Variants in ZFR observed in about 807,000 individuals in gnomAD.
ZFR encodes the protein zinc finger RNA binding protein.
ZFR carries 19 observed loss-of-function variants against 130.7 expected under a neutral mutation model. That is an observed-to-expected ratio of 0.15 (90% CI 0.10 to 0.21). The LOEUF is 0.21. ZFR is among the 10% of genes least tolerant of loss of function. ZFR has a pLI of 1.00. For missense variants in ZFR, 872 were observed against 1,321.5 expected (o/e 0.66, Z 5.27); for synonymous variants, 466 against 456.9 (o/e 1.02, Z -0.25).
intron 17 of ZFR, among the ~76,000 whole-genome samples, chr5:32,367,374 G>T (rs192077098): frequency 1.4e-3 from 210 of 152,104 alleles, no homozygotes; most frequent in African/African-American, 4.1e-3. Flanking sequence ...GGCGGAGGTT[G>T]CGGTGAGCTG....
chr5:32,418,430 G>C (rs1347032121), intron 3 of ZFR, among the ~76,000 whole-genome samples: 2 of 152,042 alleles, frequency 1.3e-5, no homozygotes, highest in African/African-American at 4.8e-5. Context: ...TATTACAAAA[G>C]AACACTTGTG....
rs537377077 is a variant in ZFR at position 32,358,383 on chromosome 5, G to A, written c.3046-2444C>T. 2.2e-4 allele frequency among the ~76,000 whole-genome samples: 34 copies of A among 152,062 alleles called. No individual in the cohort carries two copies. The South Asian group carries it at 6.0e-3, about 27-fold the overall frequency. On this transcript the variant is annotated intron_variant, in intron 19 of 19. Coordinates refer to ENST00000265069, the MANE Select transcript of ZFR (RefSeq NM_016107.5). The stretch of plus-strand genomic sequence containing the variant: ...AAATAAAAAAAGAAAATTTAAGGCC[G>A]GGCGCGGTGGCGCAAGCCTGTAATC...
Position 32,403,184 on chromosome 5 carries a change from T to A in ZFR, c.1438A>T (p.Thr480Ser). ...ACTGCTGATACTTTAGTGTTAGATG[T>A]GCTATTAAGAGACGAGTTTCCTGTA... is the stretch of plus-strand genomic sequence containing the variant. ...TTTGNSSLNS[T>S]SNTKVSAVPT... is the part of the protein sequence containing the mutation. Residue 480 changes from threonine (T) to serine (S), a missense_variant, in exon 8 of 20, where the codon ACA becomes TCA. Physicochemically the swap from Thr to Ser is moderately conservative, Grantham distance 58. This residue lies in a region of ZFR where 143 missense variants were observed against 137.9 expected (regional missense o/e 1.04). Transcript: ENST00000265069. 6.2e-7 allele frequency: 1 copy of A among 1,614,210 alleles called. No homozygotes were observed. Among genetic ancestry groups the A allele is most frequent in the Non-Finnish European group, 8.5e-7 (1 of 1,180,028 alleles).
At chr5:32,378,626 T>C (rs1247551277) in intron 17 of ZFR, among the ~76,000 whole-genome samples, 5 of 152,146 alleles carry the variant, frequency 3.3e-5, no homozygotes, top group Non-Finnish European at 7.4e-5. Flanking sequence ...AGCAGATTGT[T>C]AAGATAATCT....
chr5:32,361,149 T>A, intron 19 of ZFR, among the ~76,000 whole-genome samples: 1 of 152,214 alleles, frequency 6.6e-6, no homozygotes, highest in East Asian at 1.9e-4. Flanking sequence ...CTGTTCACAC[T>A]ATTTTAAATC....
intron 2 of ZFR, 22 bp downstream of exon 2, chr5:32,444,207 A>T: frequency 6.3e-7 from 1 of 1,594,648 alleles, no homozygotes; most frequent in Non-Finnish European, 8.5e-7. Flanking sequence ...GGGCGAACAG[A>T]GAGAAGGCAG....
chr5:32,396,255 G>A (rs955712792), intron 10 of ZFR, among the ~76,000 whole-genome samples: 1 of 151,532 alleles, frequency 6.6e-6, no homozygotes, highest in African/African-American at 2.4e-5. Context: ...TGCGTGAGGG[G>A]CCCCTGACCT....
chr5:32,437,278 C>A (rs1255518582), intron 2 of ZFR, among the ~76,000 whole-genome samples: 1 of 152,052 alleles, frequency 6.6e-6, no homozygotes, highest in Non-Finnish European at 1.5e-5. Context: ...CACCCTCATG[C>A]CCCAGAAGTG....
At chr5:32,360,572 T>C (rs910197210) in intron 19 of ZFR, among the ~76,000 whole-genome samples, 6 of 152,230 alleles carry the variant, frequency 3.9e-5, no homozygotes, top group East Asian at 1.9e-4. Context: ...CATTCATCAA[T>C]TGATGGACAT....
chr5:32,369,789 G>C (rs959008714), intron 17 of ZFR, among the ~76,000 whole-genome samples: 2 of 152,124 alleles, frequency 1.3e-5, no homozygotes, highest in African/African-American at 2.4e-5. Context: ...TCCAGCCCGA[G>C]TGACAGAGTG....
intron 2 of ZFR, among the ~76,000 whole-genome samples, chr5:32,439,218 A>G (rs641221): frequency 0.42 from 63,483 of 152,002 alleles, 13,438 homozygotes; most frequent in East Asian, 0.57. Flanking sequence ...GATTGATGTT[A>G]TTAGTCGTTG....
At position 32,397,348 on chromosome 5, in the gene ZFR, GA is replaced by G. The variant is rs1461777914; in HGVS notation, c.1714-11del. The G allele has an allele frequency of 1.1e-5, 17 of 1,599,248 alleles. No homozygotes were observed. Among genetic ancestry groups the G allele is most frequent in the South Asian group, 2.3e-5 (2 of 87,444 alleles). On this transcript the variant is annotated splice_polypyrimidine_tract_variant and intron_variant, in intron 9 of 19. Transcript: ENST00000265069. ...CTTCATCATTTCGTACCTTGGTGTG[GA>G]AAAAAAATTCAAGAATCATCATAGT...
Position 32,400,056 on chromosome 5 carries a change from G to C in ZFR, c.1664C>G (p.Ala555Gly), listed in dbSNP as rs1005502207. 9.9e-6 allele frequency: 16 copies of C among 1,612,844 alleles called. No homozygotes were observed. The highest frequency in any genetic ancestry group is 1.4e-5 in the Non-Finnish European group (16 of 1,179,428). ...VSEPVTPASL[A>G]ALQSDVQPVG... ...TGGCTGCACATCACTCTGTAAAGCA[G>C]CAAGAGATGCAGGTGTGACTGGTTC... Residue 555 changes from alanine (A) to glycine (G), a missense_variant, in exon 9 of 20, where the codon GCT (alanine) becomes GGT (glycine). Coordinates refer to ENST00000265069, the MANE Select transcript of ZFR (RefSeq NM_016107.5).
intron 16 of ZFR, 156 bp from the exon 17 acceptor site, chr5:32,379,366 C>T: frequency 1.4e-6 from 1 of 701,822 alleles, no homozygotes; most frequent in Non-Finnish European, 2.6e-6. Flanking sequence ...CCATTTACAG[C>T]AGTATTTTAT....
chr5:32,364,337 T>C, intron 17 of ZFR, 62 bp from the exon 18 acceptor site: 1 of 1,371,982 alleles, frequency 7.3e-7, no homozygotes, highest in Non-Finnish European at 1.0e-6. Flanking sequence ...ATTTTCAAAC[T>C]AAAATTTTAA....
At chr5:32,364,332 C>A in intron 17 of ZFR, 57 bp from the exon 18 acceptor site, 1 of 1,402,690 alleles carries the variant, frequency 7.1e-7, no homozygotes, top group Non-Finnish European at 9.7e-7. Flanking sequence ...TACTCATTTT[C>A]AAACTAAAAT....
intron 2 of ZFR, among the ~76,000 whole-genome samples, chr5:32,440,317 C>T (rs1407413222): frequency 2.0e-5 from 3 of 152,108 alleles, no homozygotes; most frequent in Non-Finnish European, 4.4e-5. Context: ...CACATACAAA[C>T]GAATACTTAA....
At chr5:32,380,035 T>A (rs1258213268) in intron 16 of ZFR, 40 bp downstream of exon 16, 6 of 1,559,316 alleles carry the variant, frequency 3.8e-6, no homozygotes, top group Non-Finnish European at 5.3e-6. Context: ...ACTACTTCTC[T>A]CATAAGGCTA....
chr5:32,424,140 G>A (rs1754015777), intron 2 of ZFR, among the ~76,000 whole-genome samples: 1 of 152,190 alleles, frequency 6.6e-6, no homozygotes, highest in South Asian at 2.1e-4. Flanking sequence ...TTGGAATTAG[G>A]GGAAGGACAG....
Sources: allele counts gnomAD v4.1 joint callset (sites outside exome capture counted in the v4.1 genomes callset), GRCh38; gene constraint gnomAD v4.1.1; regional missense constraint gnomAD v4.1.1; transcripts MANE v1.5; gene names NCBI Gene and HGNC (gene_info 2026-07-23, HGNC 2026-07-21).